LMNTD1: variants seen among roughly 807,000 people sequenced by gnomAD.
LMNTD1 encodes lamin tail domain containing 1.
LMNTD1 carries 35 observed loss-of-function variants against 50.9 expected under a neutral mutation model. That is an observed-to-expected ratio of 0.69 (90% CI 0.53 to 0.91). LMNTD1 has a LOEUF of 0.91. LMNTD1 is among the 40% of genes least tolerant of loss of function. LMNTD1 has a pLI of 0.00. For synonymous variants in LMNTD1, 153 were observed against 161.9 expected (o/e 0.94, Z 0.42); for missense variants, 470 against 475.5 (o/e 0.99, Z 0.11).
At chr12:25,488,096 T>G (rs1226222195) in intron 9 of LMNTD1, among the ~76,000 whole-genome samples, 2 of 148,384 alleles carry the variant, frequency 1.3e-5, no homozygotes, top group African/African-American at 4.9e-5. Context: ...TTGGTGAATC[T>G]GACAATTGTG....
intron 1 of LMNTD1, among the ~76,000 whole-genome samples, chr12:25,560,379 T>A (rs2136299168): frequency 6.6e-6 from 1 of 152,296 alleles, no homozygotes; most frequent in South Asian, 2.1e-4. Context: ...TTCTGAGAGC[T>A]CTGTTCTGTT....
At chr12:25,484,700 T>C (rs1306417621) in intron 9 of LMNTD1, among the ~76,000 whole-genome samples, 1 of 132,682 alleles carries the variant, frequency 7.5e-6, no homozygotes, top group Non-Finnish European at 1.6e-5. Flanking sequence ...TTCCCCTTCC[T>C]GTGTCCATGT....
At chr12:25,603,863 A>G (rs1243004892) in intron 1 of LMNTD1, among the ~76,000 whole-genome samples, 1 of 152,110 alleles carries the variant, frequency 6.6e-6, no homozygotes, top group Non-Finnish European at 1.5e-5. Flanking sequence ...TGATCACCGA[A>G]AAATGGCATG....
At chr12:25,550,360 T>C (rs941441309) in intron 2 of LMNTD1, among the ~76,000 whole-genome samples, 4 of 152,204 alleles carry the variant, frequency 2.6e-5, no homozygotes, top group Non-Finnish European at 5.9e-5. Context: ...TGAGTCACAC[T>C]GAGGCTCTTC....
intron 1 of LMNTD1, among the ~76,000 whole-genome samples, chr12:25,647,812 A>G (rs1264315428): frequency 1.3e-5 from 2 of 152,196 alleles, no homozygotes; most frequent in Non-Finnish European, 2.9e-5. Context: ...GTTGACCAAA[A>G]TGGTTCCTCT....
chr12:25,527,453 T>C, intron 4 of LMNTD1, among the ~76,000 whole-genome samples: 1 of 151,276 alleles, frequency 6.6e-6, no homozygotes, highest in Admixed American at 6.6e-5. Flanking sequence ...GAGCTTTCTA[T>C]GTACGATCCA....
intron 1 of LMNTD1, among the ~76,000 whole-genome samples, chr12:25,567,167 T>C (rs1944588510): frequency 6.6e-6 from 1 of 152,244 alleles, no homozygotes; most frequent in Admixed American, 6.5e-5. Flanking sequence ...AGAAAATTCA[T>C]GCATTGTTAG....
intron 4 of LMNTD1, among the ~76,000 whole-genome samples, chr12:25,539,197 T>C (rs1350995107): frequency 9.0e-5 from 13 of 144,186 alleles, no homozygotes; most frequent in Admixed American, 7.0e-4. Context: ...TACCCAGGAA[T>C]TGAACTCAGC....
chr12:25,608,043 GA>G (rs1946154279), intron 1 of LMNTD1, among the ~76,000 whole-genome samples: 1 of 152,128 alleles, frequency 6.6e-6, no homozygotes, highest in Non-Finnish European at 1.5e-5. Context: ...ATATATTTAG[GA>G]TAGTTAGCTC....
At chr12:25,484,935 TG>T (rs1250630086) in intron 9 of LMNTD1, among the ~76,000 whole-genome samples, 2 of 151,406 alleles carry the variant, frequency 1.3e-5, no homozygotes, top group Non-Finnish European at 2.9e-5. Flanking sequence ...TCCAAGTCTT[TG>T]CTATTGTGAA....
chr12:25,608,371 C>G (rs1215098201), intron 1 of LMNTD1, among the ~76,000 whole-genome samples: 1 of 152,170 alleles, frequency 6.6e-6, no homozygotes, highest in East Asian at 1.9e-4. Flanking sequence ...GTGAACCTGT[C>G]ATTATGATGT....
chr12:25,525,350 A>G lies in LMNTD1; in HGVS notation c.798+749T>C, dbSNP rs372376555. ...AATTAATACTGTAAGCTCTTTCATT[A>G]GAATATTAGTTCCTTGGTGCAGATC... On this transcript the variant is annotated intron_variant, in intron 6 of 9. Coordinates refer to ENST00000458174, the MANE Select transcript of LMNTD1 (RefSeq NM_001145728.2). 2.4e-4 allele frequency among the ~76,000 whole-genome samples: 37 copies of G among 152,324 alleles called. No homozygotes were observed. In the South Asian group the frequency reaches 7.7e-3, roughly 32 times the overall value.
rs775649310 is a variant in LMNTD1 at position 25,552,906 on chromosome 12, G to T, written c.54C>A (p.Val18=). The T allele has an allele frequency of 2.6e-6, 4 of 1,553,014 alleles. No homozygotes were observed. The highest frequency in any genetic ancestry group is 3.5e-6 in the Non-Finnish European group (4 of 1,147,118). ...TCTCATTCTTATCTTCCTGCTCATGGACTTTATTCTGCATTGCCTTCGAAG... is the reference window on the plus strand; with the variant it reads ...TCTCATTCTTATCTTCCTGCTCATGTACTTTATTCTGCATTGCCTTCGAAG... ...QEASKAMQNK[V]HEQEDKNEKQ... is the part of the protein sequence containing the mutation. Residue 18 remains valine (V), a synonymous_variant, in exon 2 of 10, where the codon GTC becomes GTA. Transcript: ENST00000458174.
intron 9 of LMNTD1, among the ~76,000 whole-genome samples, chr12:25,476,979 C>A (rs546947540): frequency 2.6e-5 from 4 of 152,278 alleles, no homozygotes; most frequent in Admixed American, 2.6e-4. Context: ...CCATTATCAC[C>A]ACACCAAGGT....
chr12:25,589,591 T>TA, intron 1 of LMNTD1, among the ~76,000 whole-genome samples: 1 of 152,236 alleles, frequency 6.6e-6, no homozygotes, highest in Non-Finnish European at 1.5e-5. Context: ...ACATATACTT[T>TA]ATGTATACTT....
chr12:25,632,650 T>C (rs1220033856), intron 1 of LMNTD1, among the ~76,000 whole-genome samples: 1 of 152,188 alleles, frequency 6.6e-6, no homozygotes, highest in Non-Finnish European at 1.5e-5. Context: ...AAAGGAGCTC[T>C]AAATCTTCAA....
chr12:25,642,327 C>A (rs1946972938), intron 1 of LMNTD1, among the ~76,000 whole-genome samples: 1 of 152,116 alleles, frequency 6.6e-6, no homozygotes, highest in South Asian at 2.1e-4. Flanking sequence ...GTTGAGCCCC[C>A]ATAATGTGAT....
chr12:25,491,460 C>T (rs41483146), intron 9 of LMNTD1, among the ~76,000 whole-genome samples: 39,699 of 152,084 alleles, frequency 0.26, 5,360 homozygotes, highest in Middle Eastern at 0.34. Flanking sequence ...AGCAACGTAA[C>T]GTGCCTGTAT....
intron 1 of LMNTD1, among the ~76,000 whole-genome samples, chr12:25,614,939 C>T (rs993596403): frequency 1.3e-5 from 2 of 152,112 alleles, no homozygotes; most frequent in African/African-American, 2.4e-5. Context: ...GGGTTCTAAT[C>T]GCCTCTTCTT....
Sources: allele counts gnomAD v4.1 joint callset (sites outside exome capture counted in the v4.1 genomes callset), GRCh38; gene constraint gnomAD v4.1.1; transcripts MANE v1.5; gene names NCBI Gene and HGNC (gene_info 2026-07-23, HGNC 2026-07-21).